Variants in ERICH1 observed in about 807,000 individuals in gnomAD.
ERICH1 encodes glutamate-rich protein 1.
In ERICH1, 56 loss-of-function variants were observed where a neutral mutation model predicts 39.6. That is an observed-to-expected ratio of 1.41 (90% CI 1.14 to 1.77). The LOEUF is 1.77. ERICH1 is among the 40% of genes most tolerant of loss of function. The pLI, the probability that ERICH1 is intolerant of heterozygous loss-of-function variation, is 0.00. For missense variants in ERICH1, 826 were observed against 575.4 expected, an observed-to-expected ratio of 1.44 and a Z score of -4.45; for synonymous variants, 313 against 223.6, an observed-to-expected ratio of 1.40 and a Z score of -3.57.
intron 2 of ERICH1, among the ~76,000 whole-genome samples, chr8:700,147 GCACAGACCCGCACACGCGCACAGGCC>G (rs1811584428): frequency 1.6e-5 from 2 of 122,196 alleles, no homozygotes; most frequent in African/African-American, 3.2e-5. Flanking sequence ...CCGCACAGGC[GCACAGACCCGCACACGCGCACAGGCC>G]CGCACAGGCC....
At chr8:629,841 C>A (rs1797865653) in intron 3 of ERICH1, among the ~76,000 whole-genome samples, 1 of 141,878 alleles carries the variant, frequency 7.0e-6, no homozygotes. Flanking sequence ...CTGACACACA[C>A]CCTCCCGTGA....
At chr8:679,609 G>A (rs1032895914) in intron 3 of ERICH1, among the ~76,000 whole-genome samples, 9 of 152,234 alleles carry the variant, frequency 5.9e-5, no homozygotes, top group Admixed American at 4.6e-4. Flanking sequence ...GTCATGTAAA[G>A]TGTATGATAA....
intron 2 of ERICH1, among the ~76,000 whole-genome samples, chr8:715,540 T>A (rs1237659293): frequency 6.6e-6 from 1 of 152,168 alleles, no homozygotes; most frequent in Non-Finnish European, 1.5e-5. Flanking sequence ...GCATGGTGTA[T>A]GGTGGGGAAG....
intron 3 of ERICH1, among the ~76,000 whole-genome samples, chr8:644,208 T>C (rs1799340742): frequency 1.3e-5 from 2 of 152,344 alleles, no homozygotes; most frequent in South Asian, 4.1e-4. Context: ...GGCAAGCGCC[T>C]GGCCTCCTGG....
At chr8:642,829 G>A (rs1314584570) in intron 3 of ERICH1, among the ~76,000 whole-genome samples, 1 of 152,114 alleles carries the variant, frequency 6.6e-6, no homozygotes, top group Non-Finnish European at 1.5e-5. Context: ...ACAGGACTGG[G>A]GGCTGGAAAA....
chr8:627,130 A>G (rs1285260058), intron 3 of ERICH1: 4 of 456,140 alleles, frequency 8.8e-6, no homozygotes, highest in Non-Finnish European at 1.3e-5. Context: ...GGTCATGGAT[A>G]TTGGGAAGAC....
intron 2 of ERICH1, among the ~76,000 whole-genome samples, chr8:702,966 A>G (rs535376358): frequency 1.2e-4 from 18 of 152,378 alleles, no homozygotes; most frequent in African/African-American, 4.3e-4. Context: ...AAGAAGCTGC[A>G]GAGAGCCGGA....
chr8:635,361 G>A (rs527989212), intron 3 of ERICH1, among the ~76,000 whole-genome samples: 1 of 152,324 alleles, frequency 6.6e-6, no homozygotes, highest in Non-Finnish European at 1.5e-5. Context: ...AGCCCGGGCC[G>A]TTGGGACCAG....
intron 2 of ERICH1, among the ~76,000 whole-genome samples, chr8:712,251 T>A (rs2132311533): frequency 6.6e-6 from 1 of 152,354 alleles, no homozygotes; most frequent in East Asian, 1.9e-4. Flanking sequence ...TGAGTATCTC[T>A]ATAATATCGA....
intron 2 of ERICH1, among the ~76,000 whole-genome samples, chr8:703,342 T>C (rs1428702493): frequency 1.4e-5 from 1 of 72,512 alleles, no homozygotes; most frequent in Non-Finnish European, 4.1e-5. Flanking sequence ...GAAGGACAGA[T>C]GAAAAAAATA....
chr8:665,546 T>C (rs1157660529), intron 5 of ERICH1, among the ~76,000 whole-genome samples: 1 of 152,058 alleles, frequency 6.6e-6, no homozygotes, highest in Non-Finnish European at 1.5e-5. Context: ...TTGCCTGAGC[T>C]CTAGAAAGCC....
rs1481576775 is a variant in ERICH1, at chr8:639,649, C to A, written c.977-24365G>T. On this transcript the variant is annotated intron_variant, in intron 3 of 3. Coordinates refer to the ERICH1 transcript ENST00000522706. ...CAGTTAGCAGACACGACCAAGCACC[C>A]TGGATTCACAGGCAGCCACCAATCC... 5.4e-5 allele frequency among the ~76,000 whole-genome samples: 8 copies of A among 147,986 alleles called. 1 individual carries two copies. Among genetic ancestry groups the A allele is most frequent in the Admixed American group, 1.4e-4 (2 of 14,668 alleles).
At chr8:637,582 G>A (rs748901055) in intron 3 of ERICH1, 12 of 152,470 alleles carry the variant, frequency 7.9e-5, no homozygotes, top group Non-Finnish European at 1.6e-4. Flanking sequence ...CTCTGCTCAT[G>A]GCCACTGCAG....
chr8:701,180 G>C (rs1199244238), intron 2 of ERICH1, among the ~76,000 whole-genome samples: 1 of 152,272 alleles, frequency 6.6e-6, no homozygotes, highest in Non-Finnish European at 1.5e-5. Flanking sequence ...TGCCCCGCCA[G>C]ACGGGAGCAC....
chr8:719,382 C>T (rs1204375357), intron 1 of ERICH1, among the ~76,000 whole-genome samples: 1 of 152,236 alleles, frequency 6.6e-6, no homozygotes, highest in African/African-American at 2.4e-5. Context: ...AACTTGGGTC[C>T]AGTGTTCTCA....
At chr8:639,341 A>G (rs996372683) in intron 3 of ERICH1, among the ~76,000 whole-genome samples, 1 of 152,210 alleles carries the variant, frequency 6.6e-6, no homozygotes, top group African/African-American at 2.4e-5. Context: ...CCCAGGCTGC[A>G]TATCAAGGTA....
At chr8:698,628 C>A (rs1458107467) in intron 2 of ERICH1, among the ~76,000 whole-genome samples, 2 of 152,042 alleles carry the variant, frequency 1.3e-5, no homozygotes, top group African/African-American at 4.8e-5. Context: ...TTAAAAAATT[C>A]TTTTAGAGAC....
At chr8:702,343 G>A (rs1375332069) in intron 2 of ERICH1, among the ~76,000 whole-genome samples, 1 of 152,244 alleles carries the variant, frequency 6.6e-6, no homozygotes, top group South Asian at 2.1e-4. Flanking sequence ...GAACGCCGGC[G>A]AGTCAAGTGA....
chr8:699,674 C>T (rs1163564823), intron 2 of ERICH1, among the ~76,000 whole-genome samples: 1 of 150,328 alleles, frequency 6.7e-6, no homozygotes, highest in Non-Finnish European at 1.5e-5. Context: ...CGTACAGACC[C>T]GCACACGTGC....
Sources: gnomAD v4.1 joint callset for allele counts (sites outside exome capture counted in the v4.1 genomes callset) on GRCh38, gnomAD v4.1.1 for gene constraint, MANE v1.5 for transcripts, NCBI Gene and HGNC (gene_info 2026-07-23, HGNC 2026-07-21) for gene names.